The following INSL6 variants were observed in gnomAD, a reference collection of about 807,000 sequenced individuals.
The protein encoded by INSL6 is insulin like 6.
A neutral mutation model predicts 9.4 loss-of-function variants in INSL6; 16 were observed. The ratio of observed to expected loss-of-function variants is 1.70; its 90% CI spans 1.15 to 2.59. INSL6 has a LOEUF of 2.59. Among genes scored for constraint, INSL6 ranks in the 30% most tolerant of loss-of-function variants. The probability of loss-of-function intolerance (pLI) is 0.00; values close to 1 mark genes in which losing one functional copy is unlikely to be tolerated. For synonymous variants in INSL6, 154 were observed against 96.9 expected, an observed-to-expected ratio of 1.59 and a Z score of -3.46; for missense variants, 391 against 257.3, an observed-to-expected ratio of 1.52 and a Z score of -3.56.
intron 3 of INSL6, chr9:5,131,976 A>C (rs1006639437): frequency 1.3e-5 from 2 of 152,168 alleles, no homozygotes; most frequent in Non-Finnish European, 2.9e-5. Flanking sequence ...GACAGTGTGA[A>C]TCTCATGGTA....
the INSL6 span, among the ~76,000 whole-genome samples, chr9:5,026,008 C>A: frequency 1.3e-5 from 2 of 151,988 alleles, no homozygotes; most frequent in African/African-American, 4.8e-5. Context: ...TTTATCTGTG[C>A]CTCTTTTTTT....
At chr9:5,034,196 C>T in the INSL6 span, among the ~76,000 whole-genome samples, 1 of 152,088 alleles carries the variant, frequency 6.6e-6, no homozygotes. Context: ...GCTAACTGTC[C>T]TAAATATATA....
the INSL6 span, chr9:5,085,504 T>C: frequency 5.1e-5 from 37 of 720,570 alleles, no homozygotes; most frequent in Non-Finnish European, 9.4e-5. Context: ...TGACCCGAGC[T>C]GAAGAAATTC....
Position 5,163,978 on chromosome 9 carries a change from G to C in INSL6, c.577C>G (p.Leu193Val). 6.2e-7 allele frequency: 1 copy of C among 1,611,934 alleles called. No homozygotes were observed. Among genetic ancestry groups the C allele is most frequent in the Non-Finnish European group, 8.5e-7 (1 of 1,179,544 alleles). ...AGCCTTTTAAAATCAATATATGGAA[G>C]ACATGCAATGCTAAGTTCTTCTTTT... ...CTKEELSIAC[L>V]PYIDFKRLKE... The change falls in exon 2 of 2, where the codon CTT becomes GTT. Residue 193 changes from leucine (L) to valine (V), a missense_variant. Transcript: ENST00000381641.
At chr9:5,151,608 A>G (rs1455868576) in intron 2 of INSL6, among the ~76,000 whole-genome samples, 3 of 152,158 alleles carry the variant, frequency 2.0e-5, no homozygotes, top group African/African-American at 7.2e-5. Context: ...TGATATAAAG[A>G]TGTATATTGT....
chr9:5,121,969 AATAAC>A (rs1433916530), downstream of INSL6, among the ~76,000 whole-genome samples: 3 of 152,302 alleles, frequency 2.0e-5, no homozygotes, highest in East Asian at 1.9e-4. Flanking sequence ...TACATTTGAT[AATAAC>A]ATAACTAGAT....
At chr9:5,106,705 A>T in the INSL6 span, among the ~76,000 whole-genome samples, 1 of 152,202 alleles carries the variant, frequency 6.6e-6, no homozygotes, top group African/African-American at 2.4e-5. Context: ...TATCCCAAGG[A>T]ATACTATGCA....
chr9:5,172,275 T>C (rs778657306), intron 1 of INSL6, among the ~76,000 whole-genome samples: 10 of 152,048 alleles, frequency 6.6e-5, no homozygotes, highest in Non-Finnish European at 1.3e-4. Context: ...CTGGGAGAAC[T>C]GGACCACTTC....
the INSL6 span, among the ~76,000 whole-genome samples, chr9:5,105,051 C>T: frequency 6.6e-6 from 1 of 152,178 alleles, no homozygotes; most frequent in African/African-American, 2.4e-5. Flanking sequence ...GTTAGAAGTT[C>T]TGGCCAGGGC....
At chr9:5,121,043 T>C (rs543480906), downstream of INSL6, among the ~76,000 whole-genome samples, 2 of 152,138 alleles carry the variant, frequency 1.3e-5, no homozygotes, top group Non-Finnish European at 2.9e-5. Flanking sequence ...GGAAAGTTTT[T>C]AACCAAGAGA....
chr9:5,022,459 C>T, the INSL6 span, among the ~76,000 whole-genome samples: 1 of 152,058 alleles, frequency 6.6e-6, no homozygotes, highest in Non-Finnish European at 1.5e-5. Flanking sequence ...TTTATAATTA[C>T]ATATAAGGTG....
chr9:5,170,857 C>T lies in INSL6; in HGVS notation c.290-6592G>A, dbSNP rs1353287636. On this transcript the variant is annotated intron_variant, in intron 1 of 1. Transcript: ENST00000381641. ...ATTGAGGCAGTAATAAATAGTCTACCAACCAAAAAAAGCCCAGGACCAGAT... is the reference window on the plus strand; with the variant it reads ...ATTGAGGCAGTAATAAATAGTCTACTAACCAAAAAAAGCCCAGGACCAGAT... 3.9e-5 allele frequency among the ~76,000 whole-genome samples: 6 copies of T among 152,066 alleles called. No individual in the cohort carries two copies. In the South Asian group the frequency reaches 1.0e-3, roughly 26 times the overall value.
chr9:5,041,559 G>T, the INSL6 span: 1 of 525,536 alleles, frequency 1.9e-6, no homozygotes, highest in South Asian at 1.5e-5. Flanking sequence ...AGAGGAGATG[G>T]CTACGTACCT....
At chr9:5,082,701 C>T in the INSL6 span, among the ~76,000 whole-genome samples, 10 of 152,366 alleles carry the variant, frequency 6.6e-5, no homozygotes, top group Admixed American at 1.3e-4. Flanking sequence ...GAGGTCCCTG[C>T]GGCTTTCCGC....
At chr9:5,064,816 A>G in the INSL6 span, 1 of 1,248,872 alleles carries the variant, frequency 8.0e-7, no homozygotes, top group Non-Finnish European at 1.1e-6. Flanking sequence ...AATGAAGAAA[A>G]TTTTCAATAT....
the INSL6 span, chr9:5,108,082 C>G: frequency 6.6e-6 from 1 of 152,094 alleles, no homozygotes; most frequent in African/African-American, 2.4e-5. Context: ...CAACTTCTCA[C>G]TAGTTTTCTC....
At chr9:5,161,160 G>A (rs1447946004), downstream of INSL6, among the ~76,000 whole-genome samples, 1 of 152,126 alleles carries the variant, frequency 6.6e-6, no homozygotes, top group Non-Finnish European at 1.5e-5. Flanking sequence ...CATTATCTTT[G>A]ATGAACACTG....
At chr9:5,135,658 C>T (rs1434696673) in intron 2 of INSL6, among the ~76,000 whole-genome samples, 1 of 152,038 alleles carries the variant, frequency 6.6e-6, no homozygotes, top group Non-Finnish European at 1.5e-5. Flanking sequence ...TAAGTGCCCA[C>T]AAGAGAAAGC....
chr9:5,148,085 G>A (rs1824637468), intron 2 of INSL6, among the ~76,000 whole-genome samples: 1 of 152,184 alleles, frequency 6.6e-6, no homozygotes. Flanking sequence ...TGAGCTAACA[G>A]GCTCCTTTGG....
Sources: gnomAD v4.1 joint callset for allele counts (sites outside exome capture counted in the v4.1 genomes callset) on GRCh38, gnomAD v4.1.1 for gene constraint, MANE v1.5 for transcripts, NCBI Gene and HGNC (gene_info 2026-07-23, HGNC 2026-07-21) for gene names.